PAIP2B: variants seen among roughly 807,000 people sequenced by gnomAD.
The protein encoded by PAIP2B is poly(A) binding protein interacting protein 2B.
A neutral mutation model predicts 17.0 loss-of-function variants in PAIP2B; 13 were observed. That is an observed-to-expected ratio of 0.76 (90% CI 0.50 to 1.22). The LOEUF is 1.22. PAIP2B is among the 50% of genes most tolerant of loss of function. The probability of loss-of-function intolerance (pLI) is 0.00; values close to 1 mark genes in which losing one functional copy is unlikely to be tolerated. For missense variants in PAIP2B, 117 were observed against 144.5 expected, an observed-to-expected ratio of 0.81 and a Z score of 0.98; for synonymous variants, 43 against 48.7, an observed-to-expected ratio of 0.88 and a Z score of 0.48.
intron 1 of PAIP2B, among the ~76,000 whole-genome samples, chr2:71,218,054 A>G (rs1813357): frequency 0.92 from 139,713 of 152,224 alleles, 64,187 homozygotes; most frequent in Admixed American, 0.93. Context: ...GTGACAGACC[A>G]AGACCTAGAT....
In PAIP2B at chr2:71,189,834, A is replaced by G; in HGVS notation, c.315+11T>C. Reference sequence around the variant, plus strand: ...CACTACATAACCTGGGGAACTACATATGGCTCTTACCAAAATATCTTCAGA... The same window carrying G: ...CACTACATAACCTGGGGAACTACATGTGGCTCTTACCAAAATATCTTCAGA... On this transcript the variant is annotated intron_variant, in intron 3 of 3. Coordinates refer to ENST00000244221, the MANE Select transcript of PAIP2B (RefSeq NM_020459.1). The G allele has an allele frequency of 6.5e-7, 1 of 1,547,088 alleles. No individual in the cohort carries two copies.
At chr2:71,197,199 G>A (rs1674843932) in intron 2 of PAIP2B, among the ~76,000 whole-genome samples, 1 of 152,246 alleles carries the variant, frequency 6.6e-6, no homozygotes, top group East Asian at 1.9e-4. Context: ...TCTCCTGTAA[G>A]GCAAGTTTAG....
intron 2 of PAIP2B, among the ~76,000 whole-genome samples, chr2:71,192,262 A>AT (rs56380844): frequency 0.37 from 51,954 of 142,164 alleles, 10,838 homozygotes; most frequent in East Asian, 0.64. Flanking sequence ...TAGATACTGC[A>AT]TTTTTTTTTT....
intron 2 of PAIP2B, among the ~76,000 whole-genome samples, chr2:71,201,008 G>T (rs67388369): frequency 0.021 from 657 of 31,936 alleles, 11 homozygotes; most frequent in South Asian, 0.056. Flanking sequence ...TGTGTGTGTG[G>T]GTGTGTGTGT....
chr2:71,188,175 A>C lies in PAIP2B; in HGVS notation c.*304T>G, dbSNP rs1268148632. ...CTTAGTCAGCTTATTTTGTTTAAAT[A>C]CACACCGCGGAACACTTCTGATGAA... On this transcript the variant is annotated 3_prime_UTR_variant, in exon 4 of 4. Transcript: ENST00000244221. 1.1e-5 allele frequency: 4 copies of C among 357,902 alleles called. No individual in the cohort carries two copies. In the Admixed American group the frequency reaches 1.8e-4, roughly 16 times the overall value. The allele number at this position is 357,902 out of a possible 1,614,324, so 22.2% of individuals were successfully genotyped here. A position where few individuals can be genotyped will look rare whatever the true frequency, so the allele number is the denominator to read the frequency against.
At position 71,184,164 on chromosome 2, in the gene PAIP2B, AAGT is replaced by A. The variant is rs1372690148; in HGVS notation, c.*4312_*4314del. On this transcript the variant is annotated 3_prime_UTR_variant, in exon 4 of 4. Coordinates refer to ENST00000244221, the MANE Select transcript of PAIP2B (RefSeq NM_020459.1). ...CCTAAAATGTTTATTTTTATTTAAA[AAGT>A]AGCCAATAGGAAGGTAAGATTGGGG... The A allele has an allele frequency of 1.3e-5, 2 of 152,214 alleles. No homozygotes were observed. The highest frequency in any genetic ancestry group is 4.8e-5 in the African/African-American group (2 of 41,456). The allele number at this position is 152,214 out of a possible 1,614,324, so 9.4% of individuals were successfully genotyped here.
chr2:71,224,584 CAG>C (rs1558785402), intron 1 of PAIP2B, among the ~76,000 whole-genome samples: 2 of 152,090 alleles, frequency 1.3e-5, no homozygotes, highest in African/African-American at 4.8e-5. Context: ...ATGGTGCATA[CAG>C]AGAGAGGTCC....
intron 1 of PAIP2B, among the ~76,000 whole-genome samples, chr2:71,211,784 G>T (rs1195900853): frequency 6.6e-6 from 1 of 152,132 alleles, no homozygotes; most frequent in Non-Finnish European, 1.5e-5. Flanking sequence ...GATGTTCTGT[G>T]ATATTACTAT....
chr2:71,215,936 G>C (rs1675420690), intron 1 of PAIP2B, among the ~76,000 whole-genome samples: 2 of 152,080 alleles, frequency 1.3e-5, no homozygotes, highest in Non-Finnish European at 2.9e-5. Context: ...TTTTGGCCTT[G>C]ATTTTTCATC....
At chr2:71,191,228 A>T (rs1240363693) in intron 2 of PAIP2B, among the ~76,000 whole-genome samples, 1 of 152,230 alleles carries the variant, frequency 6.6e-6, no homozygotes, top group Admixed American at 6.5e-5. Flanking sequence ...CAGTTACCTA[A>T]TTAATTCAGA....
At chr2:71,214,416 G>C (rs961238966) in intron 1 of PAIP2B, among the ~76,000 whole-genome samples, 1 of 152,164 alleles carries the variant, frequency 6.6e-6, no homozygotes, top group Non-Finnish European at 1.5e-5. Context: ...ACAGCACATG[G>C]TGGTTTATTT....
chr2:71,191,364 T>C (rs1005387188), intron 2 of PAIP2B, among the ~76,000 whole-genome samples: 3 of 152,162 alleles, frequency 2.0e-5, no homozygotes, highest in Non-Finnish European at 4.4e-5. Context: ...AACATGACCA[T>C]TTGAGAGCTG....
Position 71,202,503 on chromosome 2 carries a change from G to C in PAIP2B, c.87C>G (p.Asn29Lys). The C allele has an allele frequency of 6.2e-7, 1 of 1,613,846 alleles. No individual in the cohort carries two copies. Among genetic ancestry groups the C allele is most frequent in the East Asian group, 2.2e-5 (1 of 44,868 alleles). Residue 29 changes from asparagine (N) to lysine (K), a missense_variant, in exon 2 of 4, where the codon AAC (asparagine) becomes AAG (lysine). Transcript: ENST00000244221. ...CCATCCACATGTACTCTGCAAATGG[G>C]TTTTCCTTTTCATCGTGCCCACTTA... ...QGLSGHDEKE[N>K]PFAEYMWMEN...
In PAIP2B at chr2:71,188,344, AG is replaced by A; in HGVS notation, c.*134del. On this transcript the variant is annotated 3_prime_UTR_variant, in exon 4 of 4. Coordinates refer to ENST00000244221, the MANE Select transcript of PAIP2B (RefSeq NM_020459.1). ...GAGCATATTAGTTACTCAGAGTCAC[AG>A]TATTGTGAGACCACCACTCCCCTTC... 4.4e-6 allele frequency: 3 copies of A among 677,176 alleles called. No individual in the cohort carries two copies. The South Asian group carries it at 5.5e-5, about 12-fold the overall frequency. The allele number at this position is 677,176 out of a possible 1,614,324, so 41.9% of individuals were successfully genotyped here.
At chr2:71,198,784 C>T (rs1195571175) in intron 2 of PAIP2B, among the ~76,000 whole-genome samples, 1 of 152,208 alleles carries the variant, frequency 6.6e-6, no homozygotes, top group Non-Finnish European at 1.5e-5. Context: ...GTTTATTCTG[C>T]TGTTAATACT....
rs1674539747 is a variant in PAIP2B at position 71,186,346 on chromosome 2, A to G, written c.*2133T>C. The G allele has an allele frequency of 6.6e-6, 1 of 152,268 alleles. No individual in the cohort carries two copies. Among genetic ancestry groups the G allele is most frequent in the Non-Finnish European group, 1.5e-5 (1 of 68,056 alleles). The allele number at this position is 152,268 out of a possible 1,614,324, so 9.4% of individuals were successfully genotyped here. On this transcript the variant is annotated 3_prime_UTR_variant, in exon 4 of 4. Transcript: ENST00000244221. The stretch of plus-strand genomic sequence containing the variant: ...GCATTTAAAAAAGAATCAATTTGCT[A>G]GCTGCTTCCTATACCTGGAGTCAGT...
At chr2:71,200,406 G>A (rs1358321489) in intron 2 of PAIP2B, among the ~76,000 whole-genome samples, 1 of 152,086 alleles carries the variant, frequency 6.6e-6, no homozygotes, top group East Asian at 1.9e-4. Flanking sequence ...GATAAAGAAG[G>A]CTTCTCCGAA....
Position 71,193,315 on chromosome 2 carries a change from C to T in PAIP2B, c.139-3294G>A, listed in dbSNP as rs886516717. 3.9e-5 allele frequency among the ~76,000 whole-genome samples: 6 copies of T among 152,128 alleles called. No homozygotes were observed. The South Asian group carries it at 1.2e-3, about 32-fold the overall frequency. Reference sequence around the variant, plus strand: ...GTTTTTCTCTTGTAAATTTAAGTTCCTTATAGATGCTTGATATCAGACCTT... The same window carrying T: ...GTTTTTCTCTTGTAAATTTAAGTTCTTTATAGATGCTTGATATCAGACCTT... On this transcript the variant is annotated intron_variant, in intron 2 of 3. Coordinates refer to ENST00000244221, the MANE Select transcript of PAIP2B (RefSeq NM_020459.1).
chr2:71,211,548 A>G (rs915567358), intron 1 of PAIP2B, among the ~76,000 whole-genome samples: 1 of 149,380 alleles, frequency 6.7e-6, no homozygotes, highest in Non-Finnish European at 1.5e-5. Context: ...TAATTCCTAC[A>G]CCAACAGTTC....
Sources: gnomAD v4.1 joint callset for allele counts (sites outside exome capture counted in the v4.1 genomes callset) on GRCh38, gnomAD v4.1.1 for gene constraint, MANE v1.5 for transcripts, NCBI Gene and HGNC (gene_info 2026-07-23, HGNC 2026-07-21) for gene names.